The following M1AP variants were observed in gnomAD, a reference collection of about 807,000 sequenced individuals.
The protein encoded by M1AP is meiosis 1 arrest protein.
M1AP carries 39 observed loss-of-function variants against 51.2 expected under a neutral mutation model. The observed-to-expected ratio is 0.76, with a 90% CI of 0.59 to 1.00. M1AP has a LOEUF of 1.00. Among genes scored for constraint, M1AP ranks in the 50% least tolerant of loss-of-function variants. M1AP has a pLI of 0.00. For synonymous variants in M1AP, 251 were observed against 249.2 expected (o/e 1.01, Z -0.07); for missense variants, 545 against 641.2 (o/e 0.85, Z 1.62).
chr2:74,611,954 C>T (rs1681392396), intron 3 of M1AP, among the ~76,000 whole-genome samples: 2 of 105,454 alleles, frequency 1.9e-5, no homozygotes, highest in Admixed American at 1.5e-4. Context: ...AGTGCAGTGG[C>T]GCGATCTCGG....
chr2:74,584,959 C>T (rs1679622141), intron 4 of M1AP, among the ~76,000 whole-genome samples: 1 of 151,854 alleles, frequency 6.6e-6, no homozygotes, highest in African/African-American at 2.4e-5. Flanking sequence ...TCTCCTGCCT[C>T]GGCCTCCCAA....
intron 2 of M1AP, among the ~76,000 whole-genome samples, chr2:74,638,838 GTTTATTAA>G: frequency 6.6e-6 from 1 of 152,190 alleles, no homozygotes; most frequent in Non-Finnish European, 1.5e-5. Flanking sequence ...ATGAGATGAT[GTTTATTAA>G]TTTAGACCAC....
chr2:74,621,840 G>A (rs1004014501), intron 2 of M1AP, among the ~76,000 whole-genome samples: 5 of 151,234 alleles, frequency 3.3e-5, no homozygotes, highest in African/African-American at 1.2e-4. Context: ...GGGGGCGGTG[G>A]CTCAAGCCTG....
intron 4 of M1AP, among the ~76,000 whole-genome samples, chr2:74,601,973 T>C (rs984096900): frequency 6.6e-6 from 1 of 152,216 alleles, no homozygotes; most frequent in South Asian, 2.1e-4. Context: ...ATCTGCAATA[T>C]CAACATTTGC....
At chr2:74,642,795 T>G (rs1388189624) in intron 1 of M1AP, among the ~76,000 whole-genome samples, 1 of 152,226 alleles carries the variant, frequency 6.6e-6, no homozygotes, top group African/African-American at 2.4e-5. Flanking sequence ...TAATTTACAT[T>G]TCAAAGAACT....
intron 4 of M1AP, among the ~76,000 whole-genome samples, chr2:74,605,004 C>T (rs1026414287): frequency 1.1e-4 from 17 of 151,910 alleles, no homozygotes; most frequent in African/African-American, 3.6e-4. Context: ...AAGGTCAGTT[C>T]GAGACCAGCC....
chr2:74,640,436 G>T, intron 1 of M1AP, 109 bp from the exon 2 acceptor site: 1 of 935,978 alleles, frequency 1.1e-6, no homozygotes, highest in Non-Finnish European at 1.6e-6. Context: ...AGTCAGATTG[G>T]GTACTAAAGC....
At chr2:74,603,853 A>T (rs1680813009) in intron 4 of M1AP, among the ~76,000 whole-genome samples, 1 of 152,168 alleles carries the variant, frequency 6.6e-6, no homozygotes. Context: ...GAGGGAGGTG[A>T]GATGGGAGGG....
intron 4 of M1AP, among the ~76,000 whole-genome samples, chr2:74,582,398 T>A (rs1483700283): frequency 6.6e-6 from 1 of 152,172 alleles, no homozygotes; most frequent in African/African-American, 2.4e-5. Context: ...ATCCCCTCAA[T>A]AGGGAATATT....
chr2:74,648,050 G>T, intron 1 of M1AP: 1 of 985,532 alleles, frequency 1.0e-6, no homozygotes, highest in South Asian at 4.7e-5. Context: ...ACTCCGCGCA[G>T]GCCTGGCCGC....
chr2:74,605,434 G>T (rs1026759635), intron 4 of M1AP, among the ~76,000 whole-genome samples: 4 of 152,130 alleles, frequency 2.6e-5, no homozygotes, highest in Admixed American at 2.6e-4. Flanking sequence ...AGATGTCATT[G>T]TATGTATGTG....
At chr2:74,616,035 C>T (rs1334886330) in intron 2 of M1AP, among the ~76,000 whole-genome samples, 2 of 152,162 alleles carry the variant, frequency 1.3e-5, no homozygotes, top group Non-Finnish European at 2.9e-5. Context: ...CCTTCCTGGG[C>T]TTAGCTCCAC....
At chr2:74,560,942 TCTCCCTACCCAGAGCCAGCC>T (rs1404049510) in intron 8 of M1AP, among the ~76,000 whole-genome samples, 1 of 151,372 alleles carries the variant, frequency 6.6e-6, no homozygotes, top group East Asian at 1.9e-4. Flanking sequence ...TGGTTCCAGT[TCTCCCTACCCAGAGCCAGCC>T]CTCCCACTCT....
chr2:74,562,375 G>T lies in M1AP; in HGVS notation c.1123C>A (p.His375Asn). Residue 375 changes from histidine to asparagine, a missense_variant, in exon 8 of 11, where the codon CAC becomes AAC. Transcript: ENST00000421985. Reference protein sequence around the residue: ...LAKGEPPGPGHSQRIPASTFY... With the variant: ...LAKGEPPGPGNSQRIPASTFY... ...GTGCTGGCAGGAATTCTCTGGCTGT[G>T]TCCTGGGCCCGGTGGTTCCCCCTTG... is the stretch of plus-strand genomic sequence containing the variant. 6.2e-7 allele frequency: 1 copy of T among 1,614,276 alleles called. No individual in the cohort carries two copies. The highest frequency in any genetic ancestry group is 2.2e-5 in the East Asian group (1 of 44,890).
intron 2 of M1AP, among the ~76,000 whole-genome samples, chr2:74,620,272 C>T (rs980939371): frequency 6.6e-6 from 1 of 152,170 alleles, no homozygotes; most frequent in Non-Finnish European, 1.5e-5. Context: ...TTATTTGAGG[C>T]TTTCTTTGAA....
intron 7 of M1AP, among the ~76,000 whole-genome samples, chr2:74,571,857 G>A (rs1284673512): frequency 6.6e-6 from 1 of 152,100 alleles, no homozygotes; most frequent in African/African-American, 2.4e-5. Flanking sequence ...TTAGCCAGAT[G>A]TGGTGGTGCA....
chr2:74,565,825 T>TCTCACACACA (rs1284975781), intron 7 of M1AP, among the ~76,000 whole-genome samples: 2 of 138,008 alleles, frequency 1.4e-5, no homozygotes, highest in African/African-American at 5.3e-5. Context: ...TGAGATGCCG[T>TCTCACACACA]CACACACACA....
chr2:74,632,475 C>T (rs1191329638), intron 2 of M1AP, among the ~76,000 whole-genome samples: 1 of 152,188 alleles, frequency 6.6e-6, no homozygotes. Context: ...CTTTTCCCTA[C>T]TCTGAGTCAC....
At chr2:74,621,069 G>T (rs1366016049) in intron 2 of M1AP, 1 of 151,862 alleles carries the variant, frequency 6.6e-6, no homozygotes, top group African/African-American at 2.4e-5. Flanking sequence ...GAGGTCAGGA[G>T]ATAGAGACCA....
Sources: gnomAD v4.1 joint callset for allele counts (sites outside exome capture counted in the v4.1 genomes callset) on GRCh38, gnomAD v4.1.1 for gene constraint, MANE v1.5 for transcripts, NCBI Gene and HGNC (gene_info 2026-07-23, HGNC 2026-07-21) for gene names.